ZYG11B: variants seen among roughly 807,000 people sequenced by gnomAD.
ZYG11B encodes protein zyg-11 homolog B.
Under a neutral mutation model 82.4 loss-of-function variants are expected in ZYG11B, and 36 were observed. The ratio of observed to expected loss-of-function variants is 0.44; its 90% CI spans 0.33 to 0.58. The LOEUF (loss-of-function observed/expected upper bound fraction) is 0.58. Among genes scored for constraint, ZYG11B ranks in the 20% least tolerant of loss-of-function variants. The pLI is 0.02. For synonymous variants in ZYG11B, 303 were observed against 312.8 expected, an observed-to-expected ratio of 0.97 and a Z score of 0.33; for missense variants, 552 against 895.6, an observed-to-expected ratio of 0.62 and a Z score of 4.90.
intron 3 of ZYG11B, among the ~76,000 whole-genome samples, chr1:52,773,444 A>G (rs1425175927): frequency 6.7e-6 from 1 of 149,820 alleles, no homozygotes; most frequent in African/African-American, 2.5e-5. Flanking sequence ...ACTGCACTCA[A>G]GCCTGGGTGA....
chr1:52,744,952 A>G (rs954074944), intron 1 of ZYG11B, among the ~76,000 whole-genome samples: 1 of 152,230 alleles, frequency 6.6e-6, no homozygotes, highest in African/African-American at 2.4e-5. Flanking sequence ...GTGAGTATCA[A>G]ATGAAATCAG....
intron 13 of ZYG11B, among the ~76,000 whole-genome samples, chr1:52,820,903 C>G (rs1435005466): frequency 6.6e-6 from 1 of 151,532 alleles, no homozygotes. Context: ...GAGTTTGAGA[C>G]CAGCCTAGGC....
chr1:52,766,914 G>A (rs61768345), intron 2 of ZYG11B, among the ~76,000 whole-genome samples: 151 of 151,948 alleles, frequency 9.9e-4, no homozygotes, highest in Non-Finnish European at 1.6e-3. Flanking sequence ...AGGCTGAGGC[G>A]GGAGAATGGT....
At chr1:52,753,683 G>C (rs749667290) in intron 1 of ZYG11B, among the ~76,000 whole-genome samples, 1 of 151,254 alleles carries the variant, frequency 6.6e-6, no homozygotes, top group Non-Finnish European at 1.5e-5. Flanking sequence ...CGCAACCTCT[G>C]CCTCCCGGGT....
chr1:52,761,981 A>G (rs1644635668), intron 2 of ZYG11B, among the ~76,000 whole-genome samples: 3 of 152,052 alleles, frequency 2.0e-5, no homozygotes, highest in African/African-American at 4.8e-5. Context: ...AGAAATATCT[A>G]TTCAGGTCAT....
chr1:52,767,699 G>A (rs1644710215), intron 2 of ZYG11B, among the ~76,000 whole-genome samples: 1 of 152,106 alleles, frequency 6.6e-6, no homozygotes, highest in Admixed American at 6.6e-5. Context: ...CTCCCCACTA[G>A]GATTCTATTG....
At chr1:52,730,525 C>T (rs576310844) in intron 1 of ZYG11B, among the ~76,000 whole-genome samples, 5 of 152,212 alleles carry the variant, frequency 3.3e-5, no homozygotes, top group Middle Eastern at 3.4e-3. Flanking sequence ...GAAGAGATCT[C>T]CCTGTGTTGG....
rs899115227 is a variant in ZYG11B at position 52,825,689 on chromosome 1, TGGTGTCTC to T, written c.*4061_*4068del. The T allele has an allele frequency of 7.0e-6, 1 of 143,494 alleles. No homozygotes were observed. Among genetic ancestry groups the T allele is most frequent in the Non-Finnish European group, 1.5e-5 (1 of 66,570 alleles). 8.9% of individuals were successfully genotyped at this position (143,494 alleles called of 1,614,324 possible). A position where few individuals can be genotyped will look rare whatever the true frequency, so the allele number is the denominator to read the frequency against. ...AAAAAAAAAAAGCGAGAGAGAGAGA[TGGTGTCTC>T]ACTGTGTTGCCCAGGCTGGTCTCGA... is the stretch of plus-strand genomic sequence containing the variant. On this transcript the variant is annotated 3_prime_UTR_variant, in exon 14 of 14. Coordinates refer to ENST00000294353, the MANE Select transcript of ZYG11B (RefSeq NM_024646.3).
chr1:52,753,473 G>A (rs1571751543), intron 1 of ZYG11B, among the ~76,000 whole-genome samples: 1 of 149,368 alleles, frequency 6.7e-6, no homozygotes, highest in African/African-American at 2.5e-5. Flanking sequence ...AGGCTGGCGT[G>A]CAATGGCGTG....
At position 52,777,747 on chromosome 1, in the gene ZYG11B, TTA is replaced by T. The variant is rs1233452724; in HGVS notation, c.952-2102_952-2101del. ...ATGAGCCATCATGCCTGGCTGAATATTATATGTTTATATACAACTTAGTTACT... is the reference window on the plus strand; with the variant it reads ...ATGAGCCATCATGCCTGGCTGAATATTATGTTTATATACAACTTAGTTACT... On this transcript the variant is annotated intron_variant, in intron 3 of 13. Coordinates refer to ENST00000294353, the MANE Select transcript of ZYG11B (RefSeq NM_024646.3). Among the ~76,000 whole-genome samples, 3 of 152,152 alleles carry T rather than the reference TTA, an allele frequency of 2.0e-5. No individual in the cohort carries two copies. In the East Asian group the frequency reaches 5.8e-4, roughly 29 times the overall value.
chr1:52,745,737 T>C (rs1048072409), intron 1 of ZYG11B, among the ~76,000 whole-genome samples: 20 of 151,562 alleles, frequency 1.3e-4, no homozygotes, highest in Admixed American at 1.2e-3. Flanking sequence ...CTAATTTTTG[T>C]ATTTTTAGTA....
At chr1:52,811,846 T>C (rs1349850024) in intron 10 of ZYG11B, among the ~76,000 whole-genome samples, 10 of 152,180 alleles carry the variant, frequency 6.6e-5, no homozygotes, top group East Asian at 3.9e-4. Flanking sequence ...CTGGCTAACA[T>C]GGTGAAACCC....
chr1:52,788,825 A>T (rs777698495), intron 5 of ZYG11B, among the ~76,000 whole-genome samples: 4 of 152,252 alleles, frequency 2.6e-5, no homozygotes, highest in Non-Finnish European at 5.9e-5. Flanking sequence ...GGAGTTTTCC[A>T]GCTAAAGGAA....
intron 1 of ZYG11B, among the ~76,000 whole-genome samples, chr1:52,744,030 G>C (rs1014315508): frequency 6.6e-6 from 1 of 151,930 alleles, no homozygotes; most frequent in Non-Finnish European, 1.5e-5. Context: ...TCCGCCTCCT[G>C]GGTTCAAGCG....
At chr1:52,790,544 A>T (rs943522922) in intron 6 of ZYG11B, among the ~76,000 whole-genome samples, 2 of 151,870 alleles carry the variant, frequency 1.3e-5, no homozygotes, top group African/African-American at 4.8e-5. Context: ...GCCTGGTGAA[A>T]CCCTGTCTCT....
chr1:52,745,975 T>G (rs1644472830), intron 1 of ZYG11B, among the ~76,000 whole-genome samples: 1 of 148,852 alleles, frequency 6.7e-6, no homozygotes, highest in Non-Finnish European at 1.5e-5. Flanking sequence ...TTTTTTTTTT[T>G]TGAGACGGAG....
In ZYG11B at chr1:52,821,645, G is replaced by A. The variant is rs1420661687; in HGVS notation, c.*16G>A. 6.3e-7 allele frequency: 1 copy of A among 1,591,106 alleles called. No individual in the cohort carries two copies. The highest frequency in any genetic ancestry group is 2.2e-5 in the East Asian group (1 of 44,534). On this transcript the variant is annotated 3_prime_UTR_variant, in exon 14 of 14. Coordinates refer to ENST00000294353, the MANE Select transcript of ZYG11B (RefSeq NM_024646.3). ...ACTAAATTGATAGCCATAAGTATTGGATAGTTGAATCACAGGAATCCTTTT... is the reference window on the plus strand; with the variant it reads ...ACTAAATTGATAGCCATAAGTATTGAATAGTTGAATCACAGGAATCCTTTT...
intron 10 of ZYG11B, 127 bp downstream of exon 10, chr1:52,802,266 A>C (rs1027152510): frequency 1.4e-6 from 1 of 732,956 alleles, no homozygotes; most frequent in African/African-American, 1.8e-5. Context: ...GTCATTGCTA[A>C]TTGAGAACTA....
chr1:52,755,274 G>A (rs1644564540), intron 1 of ZYG11B, among the ~76,000 whole-genome samples: 1 of 151,916 alleles, frequency 6.6e-6, no homozygotes, highest in East Asian at 1.9e-4. Context: ...AAGCAAGCCC[G>A]TTGAATTATC....
Sources: gnomAD v4.1 joint callset for allele counts (sites outside exome capture counted in the v4.1 genomes callset) on GRCh38, gnomAD v4.1.1 for gene constraint, MANE v1.5 for transcripts, NCBI Gene and HGNC (gene_info 2026-07-23, HGNC 2026-07-21) for gene names.